Variants in PTPRT observed in about 807,000 individuals in gnomAD.
The protein encoded by PTPRT is receptor-type tyrosine-protein phosphatase T.
In PTPRT, 56 loss-of-function variants were observed where a neutral mutation model predicts 176.8. The ratio of observed to expected loss-of-function variants is 0.32; its 90% CI spans 0.26 to 0.40. The LOEUF is 0.40. Among genes scored for constraint, PTPRT ranks in the 10% least tolerant of loss-of-function variants. The probability of loss-of-function intolerance (pLI) is 1.00; values close to 1 mark genes in which losing one functional copy is unlikely to be tolerated. For synonymous variants in PTPRT, 783 were observed against 739.0 expected (o/e 1.06, Z -0.96); for missense variants, 1,540 against 1,908.2 (o/e 0.81, Z 3.60).
At chr20:42,562,631 C>T (rs1048937785) in intron 7 of PTPRT, among the ~76,000 whole-genome samples, 5 of 152,190 alleles carry the variant, frequency 3.3e-5, no homozygotes, top group Admixed American at 6.5e-5. Flanking sequence ...GGTCCAGTAC[C>T]AGGGATTTAA....
chr20:42,039,463 G>C, the PTPRT span, among the ~76,000 whole-genome samples: 1 of 151,712 alleles, frequency 6.6e-6, no homozygotes, highest in Non-Finnish European at 1.5e-5. Context: ...TGTGACCTTT[G>C]ACTGACATCT....
chr20:42,401,419 A>ACAT (rs2145704946), intron 9 of PTPRT, among the ~76,000 whole-genome samples: 1 of 152,310 alleles, frequency 6.6e-6, no homozygotes, highest in Non-Finnish European at 1.5e-5. Flanking sequence ...TATTTATATC[A>ACAT]TATTCCATAG....
At chr20:42,118,329 A>C (rs1217762881) in intron 21 of PTPRT, 74 bp downstream of exon 21, 1 of 1,351,920 alleles carries the variant, frequency 7.4e-7, no homozygotes, top group East Asian at 2.4e-5. Flanking sequence ...ACTTAGCACG[A>C]TGCATGGAAC....
At chr20:43,161,053 C>A (rs1456181447) in intron 1 of PTPRT, among the ~76,000 whole-genome samples, 1 of 152,188 alleles carries the variant, frequency 6.6e-6, no homozygotes, top group Non-Finnish European at 1.5e-5. Flanking sequence ...TGTGTCCAGC[C>A]AACTAGTGAA....
intron 1 of PTPRT, among the ~76,000 whole-genome samples, chr20:43,185,458 A>G (rs1320288455): frequency 2.0e-5 from 3 of 152,212 alleles, no homozygotes; most frequent in Non-Finnish European, 4.4e-5. Context: ...TCCTGACGCA[A>G]TATGTAGCCA....
At chr20:42,530,468 G>A (rs187843126) in intron 7 of PTPRT, among the ~76,000 whole-genome samples, 21 of 152,324 alleles carry the variant, frequency 1.4e-4, no homozygotes, top group African/African-American at 4.8e-4. Context: ...AAACTGCTGC[G>A]TGAGCATTGA....
At chr20:42,551,563 G>T (rs2072771270) in intron 7 of PTPRT, among the ~76,000 whole-genome samples, 1 of 152,204 alleles carries the variant, frequency 6.6e-6, no homozygotes, top group Non-Finnish European at 1.5e-5. Flanking sequence ...GTTAGTCAAT[G>T]CTTATCTGGT....
chr20:42,153,446 G>A (rs765788080), intron 17 of PTPRT, among the ~76,000 whole-genome samples: 2 of 152,090 alleles, frequency 1.3e-5, no homozygotes, highest in Admixed American at 6.6e-5. Flanking sequence ...TTGACTCTTG[G>A]TCAAAGGATT....
chr20:42,477,378 A>AATAT (rs201831161), intron 7 of PTPRT, among the ~76,000 whole-genome samples: 2 of 150,930 alleles, frequency 1.3e-5, no homozygotes, highest in Non-Finnish European at 3.0e-5. Context: ...CTTTAAGGGT[A>AATAT]ATATATATAT....
At chr20:42,099,232 G>A (rs994758908) in intron 26 of PTPRT, among the ~76,000 whole-genome samples, 4 of 151,468 alleles carry the variant, frequency 2.6e-5, no homozygotes, top group African/African-American at 7.3e-5. Context: ...TTTTTTTGGC[G>A]GGGTGGGTGC....
chr20:42,891,791 T>G (rs550102134), intron 1 of PTPRT, among the ~76,000 whole-genome samples: 78 of 152,358 alleles, frequency 5.1e-4, no homozygotes, highest in African/African-American at 1.2e-3. Context: ...GTATTTGAAC[T>G]ATGTAGGTGT....
intron 9 of PTPRT, among the ~76,000 whole-genome samples, chr20:42,431,863 CA>C (rs2059218150): frequency 6.6e-6 from 1 of 152,190 alleles, no homozygotes. Context: ...GCATCATTTT[CA>C]GGAAGGCTTC....
chr20:42,506,271 C>T (rs931887288), intron 7 of PTPRT, among the ~76,000 whole-genome samples: 8 of 152,024 alleles, frequency 5.3e-5, no homozygotes, highest in South Asian at 2.1e-4. Context: ...AAATGTTTTA[C>T]TAATTTGATT....
At chr20:42,608,825 A>C (rs955366359) in intron 7 of PTPRT, among the ~76,000 whole-genome samples, 1 of 152,158 alleles carries the variant, frequency 6.6e-6, no homozygotes, top group Non-Finnish European at 1.5e-5. Context: ...GTGTCCTAAG[A>C]GACCACCCTC....
At chr20:42,115,413 T>C (rs2146313213) in intron 21 of PTPRT, 98 bp from the exon 22 acceptor site, 6 of 941,256 alleles carry the variant, frequency 6.4e-6, no homozygotes, top group Middle Eastern at 2.3e-4. Context: ...GGTCGTCCCA[T>C]CCAAATAAAC....
At chr20:42,138,585 C>G (rs946993458) in intron 18 of PTPRT, among the ~76,000 whole-genome samples, 9 of 152,198 alleles carry the variant, frequency 5.9e-5, no homozygotes, top group Admixed American at 5.9e-4. Flanking sequence ...AGTGTCAGCA[C>G]CTTCCTGCCA....
rs1486030864 is a variant in PTPRT, at chr20:42,079,684, A to G, written c.*1195T>C. 2 of 228,680 alleles carry G rather than the reference A, an allele frequency of 8.7e-6. No individual in the cohort carries two copies. The highest frequency in any genetic ancestry group is 5.7e-5 in the Admixed American group (1 of 17,618). 14.2% of individuals were successfully genotyped at this position (228,680 alleles called of 1,614,324 possible). A position where few individuals can be genotyped will look rare whatever the true frequency, so the allele number is the denominator to read the frequency against. ...AAATCAAAGTATAATGGGCTCCACA[A>G]TGGCCTTTTTCAAGGTGGCTGCTGG... On this transcript the variant is annotated 3_prime_UTR_variant, in exon 31 of 31. Coordinates refer to ENST00000373187, the MANE Select transcript of PTPRT (RefSeq NM_007050.6).
chr20:42,574,079 C>T (rs1399774498), intron 7 of PTPRT, among the ~76,000 whole-genome samples: 1 of 152,114 alleles, frequency 6.6e-6, no homozygotes, highest in Non-Finnish European at 1.5e-5. Context: ...TGACTGAGGG[C>T]AGTTTGGGCT....
At chr20:43,092,456 A>G (rs2011919943) in intron 1 of PTPRT, among the ~76,000 whole-genome samples, 1 of 152,364 alleles carries the variant, frequency 6.6e-6, no homozygotes, top group East Asian at 1.9e-4. Context: ...TATTTTCCAC[A>G]TACATAATAT....
Sources: gnomAD v4.1 joint callset for allele counts (sites outside exome capture counted in the v4.1 genomes callset) on GRCh38, gnomAD v4.1.1 for gene constraint, MANE v1.5 for transcripts, NCBI Gene and HGNC (gene_info 2026-07-23, HGNC 2026-07-21) for gene names.